The following GULP1 variants were observed in gnomAD, a reference collection of about 807,000 sequenced individuals.
GULP1 encodes the protein PTB domain-containing engulfment adapter protein 1.
Under a neutral mutation model 40.9 loss-of-function variants are expected in GULP1, and 19 were observed. That is an observed-to-expected ratio of 0.46 (90% CI 0.32 to 0.68). The LOEUF (loss-of-function observed/expected upper bound fraction) is 0.68, where lower values mean the gene tolerates loss of function less well. Among genes scored for constraint, GULP1 ranks in the 30% least tolerant of loss-of-function variants. The pLI is 0.03. For synonymous variants in GULP1, 119 were observed against 117.6 expected, an observed-to-expected ratio of 1.01 and a Z score of -0.08; for missense variants, 312 against 362.2, an observed-to-expected ratio of 0.86 and a Z score of 1.12.
chr2:188,303,524 A>G (rs1259824014), intron 1 of GULP1, among the ~76,000 whole-genome samples: 1 of 152,164 alleles, frequency 6.6e-6, no homozygotes, highest in Non-Finnish European at 1.5e-5. Flanking sequence ...GTAGGTAGGA[A>G]TGTTACAGAT....
At chr2:188,392,228 C>T (rs2050624860) in intron 2 of GULP1, among the ~76,000 whole-genome samples, 1 of 151,870 alleles carries the variant, frequency 6.6e-6, no homozygotes, top group Non-Finnish European at 1.5e-5. Flanking sequence ...TGCACCTGGC[C>T]CTGGGCTTTT....
At chr2:188,383,349 C>T (rs188125858) in intron 1 of GULP1, among the ~76,000 whole-genome samples, 33 of 152,322 alleles carry the variant, frequency 2.2e-4, no homozygotes, top group African/African-American at 7.5e-4. Flanking sequence ...GAAAGTAAAT[C>T]AGTGCCTTCT....
intron 1 of GULP1, among the ~76,000 whole-genome samples, chr2:188,346,910 G>C (rs2043750945): frequency 6.6e-6 from 1 of 151,026 alleles, no homozygotes; most frequent in African/African-American, 2.4e-5. Flanking sequence ...GGCAGAGCTT[G>C]CAGTGAGCCG....
At chr2:188,550,989 A>T (rs150321043) in intron 7 of GULP1, among the ~76,000 whole-genome samples, 9 of 151,344 alleles carry the variant, frequency 5.9e-5, no homozygotes, top group African/African-American at 1.9e-4. Context: ...GAGTTTAAAA[A>T]CTCTGAAGAA....
At chr2:188,465,671 C>T (rs2060050335) in intron 2 of GULP1, among the ~76,000 whole-genome samples, 1 of 152,070 alleles carries the variant, frequency 6.6e-6, no homozygotes, top group Non-Finnish European at 1.5e-5. Flanking sequence ...TAAATTCTCC[C>T]TCCTTGGGCG....
intron 2 of GULP1, among the ~76,000 whole-genome samples, chr2:188,449,072 AAC>A (rs2058629316): frequency 2.0e-5 from 3 of 152,300 alleles, no homozygotes; most frequent in Non-Finnish European, 4.4e-5. Context: ...AAAACAGCCA[AAC>A]ACAGAAAATA....
intron 2 of GULP1, among the ~76,000 whole-genome samples, chr2:188,427,949 A>G (rs1469924834): frequency 2.0e-5 from 3 of 152,238 alleles, no homozygotes; most frequent in Non-Finnish European, 2.9e-5. Context: ...CCTTGAGAGT[A>G]GCCATGGGGG....
At chr2:188,516,379 A>G (rs1432520472) in intron 4 of GULP1, among the ~76,000 whole-genome samples, 1 of 150,850 alleles carries the variant, frequency 6.6e-6, no homozygotes, top group Non-Finnish European at 1.5e-5. Flanking sequence ...TTTTTGTTTT[A>G]TTTTTTGTTG....
chr2:188,309,504 A>T (rs974092621), intron 1 of GULP1, among the ~76,000 whole-genome samples: 16 of 152,130 alleles, frequency 1.1e-4, no homozygotes, highest in African/African-American at 3.9e-4. Flanking sequence ...AAGGTATATT[A>T]TCTTGAGATT....
chr2:188,415,042 A>G (rs140740734), intron 2 of GULP1, among the ~76,000 whole-genome samples: 65 of 152,286 alleles, frequency 4.3e-4, no homozygotes, highest in African/African-American at 1.5e-3. Context: ...TGCATTGTTT[A>G]AAGATGATTT....
intron 2 of GULP1, among the ~76,000 whole-genome samples, chr2:188,459,203 A>G (rs1450693563): frequency 6.6e-6 from 1 of 152,178 alleles, no homozygotes; most frequent in Non-Finnish European, 1.5e-5. Flanking sequence ...TCTTTTCAGT[A>G]TATACATAGC....
chr2:188,540,349 G>A (rs976642583), intron 6 of GULP1, among the ~76,000 whole-genome samples: 11 of 151,466 alleles, frequency 7.3e-5, no homozygotes, highest in Non-Finnish European at 1.2e-4. Context: ...CTAAATAATA[G>A]TAATTATAGA....
At chr2:188,557,261 A>T (rs1695006057) in intron 7 of GULP1, among the ~76,000 whole-genome samples, 1 of 152,192 alleles carries the variant, frequency 6.6e-6, no homozygotes, top group Non-Finnish European at 1.5e-5. Flanking sequence ...CCAAAGTCCA[A>T]AGTCCAAAAT....
intron 2 of GULP1, among the ~76,000 whole-genome samples, chr2:188,413,211 G>T (rs546127905): frequency 6.6e-6 from 1 of 152,274 alleles, no homozygotes; most frequent in South Asian, 2.1e-4. Context: ...CACATCACTC[G>T]TTGGGATCAC....
At chr2:188,311,219 C>T (rs561160230) in intron 1 of GULP1, among the ~76,000 whole-genome samples, 3 of 150,868 alleles carry the variant, frequency 2.0e-5, no homozygotes, top group African/African-American at 4.9e-5. Flanking sequence ...TTTTTTGAGT[C>T]GGAGTCTCGC....
intron 9 of GULP1, among the ~76,000 whole-genome samples, chr2:188,572,254 T>C (rs1699205634): frequency 1.3e-5 from 2 of 152,206 alleles, no homozygotes; most frequent in South Asian, 4.1e-4. Flanking sequence ...TATTCATAAG[T>C]ATAATTCATT....
chr2:188,391,736 G>T lies in GULP1; in HGVS notation c.-45+7847G>T, dbSNP rs183215762. 1.4e-3 allele frequency among the ~76,000 whole-genome samples: 214 copies of T among 152,098 alleles called. 2 individuals carry two copies. Among genetic ancestry groups the T allele is most frequent in the African/African-American group, 5.0e-3 (207 of 41,532 alleles). ...ACTCTTCCCCATTCAGTATGATTTGGCTGTGAGTTTGTGTTATATGGCTTT... is the reference window on the plus strand; with the variant it reads ...ACTCTTCCCCATTCAGTATGATTTGTCTGTGAGTTTGTGTTATATGGCTTT... On this transcript the variant is annotated intron_variant, in intron 2 of 11. Transcript: ENST00000409830.
At chr2:188,368,858 T>G (rs2047157405) in intron 1 of GULP1, among the ~76,000 whole-genome samples, 1 of 147,586 alleles carries the variant, frequency 6.8e-6, no homozygotes, top group South Asian at 2.1e-4. Flanking sequence ...TGTGGCCTTT[T>G]TTTTCTTTTC....
chr2:188,304,156 A>G (rs2036634292), intron 1 of GULP1, among the ~76,000 whole-genome samples: 1 of 152,232 alleles, frequency 6.6e-6, no homozygotes. Context: ...CACAGCAGAT[A>G]TAAAATGAGG....
Sources: gnomAD v4.1 joint callset for allele counts (sites outside exome capture counted in the v4.1 genomes callset) on GRCh38, gnomAD v4.1.1 for gene constraint, MANE v1.5 for transcripts, NCBI Gene and HGNC (gene_info 2026-07-23, HGNC 2026-07-21) for gene names.